The following KCNMA1 variants were observed in gnomAD, a reference collection of about 807,000 sequenced individuals.
KCNMA1 encodes the protein Calcium-activated potassium channel subunit alpha-1.
KCNMA1 carries 29 observed loss-of-function variants against 140.0 expected under a neutral mutation model. That is an observed-to-expected ratio of 0.21 (90% CI 0.15 to 0.28). The LOEUF (loss-of-function observed/expected upper bound fraction) is 0.28. Among genes scored for constraint, KCNMA1 ranks in the 10% least tolerant of loss-of-function variants. KCNMA1 has a pLI of 1.00. For missense variants in KCNMA1, 880 were observed against 1,602.2 expected (o/e 0.55, Z 7.70); for synonymous variants, 612 against 611.9 (o/e 1.00, Z 0.00).
intron 1 of KCNMA1, among the ~76,000 whole-genome samples, chr10:77,422,526 C>T (rs1232649747): frequency 6.6e-6 from 1 of 152,218 alleles, no homozygotes; most frequent in Non-Finnish European, 1.5e-5. Flanking sequence ...CAGCTCTGAC[C>T]CATCTTTCTA....
intron 1 of KCNMA1, among the ~76,000 whole-genome samples, chr10:77,438,192 A>G (rs1376521207): frequency 6.6e-6 from 1 of 152,086 alleles, no homozygotes; most frequent in Non-Finnish European, 1.5e-5. Flanking sequence ...CCAAGTTGCT[A>G]GGACTAGAAG....
intron 2 of KCNMA1, among the ~76,000 whole-genome samples, chr10:77,363,213 T>C (rs771807238): frequency 2.6e-5 from 4 of 152,156 alleles, no homozygotes; most frequent in Non-Finnish European, 5.9e-5. Flanking sequence ...CAATCAATAG[T>C]GGAATGAAAT....
intron 16 of KCNMA1, among the ~76,000 whole-genome samples, chr10:77,025,211 T>C (rs905630235): frequency 1.5e-5 from 2 of 133,526 alleles, no homozygotes; most frequent in African/African-American, 2.8e-5. Context: ...TACTTCCAAT[T>C]TATGTACTCT....
chr10:77,149,453 C>T (rs2098379656), intron 5 of KCNMA1, among the ~76,000 whole-genome samples: 1 of 152,174 alleles, frequency 6.6e-6, no homozygotes, highest in South Asian at 2.1e-4. Context: ...TGACTTGTCT[C>T]CTTCTTTGTG....
intron 1 of KCNMA1, among the ~76,000 whole-genome samples, chr10:77,486,597 A>G (rs190222553): frequency 2.6e-5 from 4 of 152,314 alleles, no homozygotes; most frequent in Non-Finnish European, 5.9e-5. Context: ...AAGAACAGTG[A>G]GCTCTCCATG....
rs143145313 is a variant in KCNMA1 at position 77,259,977 on chromosome 10, G to A, written c.541-8721C>T. On this transcript the variant is annotated intron_variant, in intron 2 of 27. Coordinates refer to ENST00000286628, the MANE Select transcript of KCNMA1 (RefSeq NM_001161352.2). ...ATGTGGAGAAAAGGCTGGAGAATTA[G>A]TTTGAAGACTGAGTGTAGTGGAAGC... Among the ~76,000 whole-genome samples, 35 of 152,328 alleles carry A rather than the reference G, an allele frequency of 2.3e-4. No individual in the cohort carries two copies. The East Asian group carries it at 6.8e-3, about 29-fold the overall frequency.
At chr10:77,177,838 G>A (rs1434336617) in intron 5 of KCNMA1, among the ~76,000 whole-genome samples, 2 of 152,162 alleles carry the variant, frequency 1.3e-5, no homozygotes, top group African/African-American at 4.8e-5. Context: ...ATAGTGGGTA[G>A]TGTTACCTGC....
chr10:77,154,878 G>T (rs962209147), intron 5 of KCNMA1, among the ~76,000 whole-genome samples: 4 of 152,222 alleles, frequency 2.6e-5, no homozygotes, highest in Non-Finnish European at 5.9e-5. Flanking sequence ...TGTATAAATT[G>T]CTATAAAACA....
At chr10:76,918,879 G>T (rs928291577) in intron 23 of KCNMA1, among the ~76,000 whole-genome samples, 4 of 149,134 alleles carry the variant, frequency 2.7e-5, no homozygotes, top group Admixed American at 6.8e-5. Context: ...GAAACTGTGA[G>T]ATATATATAT....
rs202206910 is a variant in KCNMA1, at chr10:76,916,025, C to CAG, written c.2903-977_2903-976insCT. 6.2e-4 allele frequency among the ~76,000 whole-genome samples: 93 copies of CAG among 151,178 alleles called. No individual in the cohort carries two copies. The East Asian group carries it at 0.014, about 23-fold the overall frequency. ...GAGATTTTATACACATAAACACACA[C>CAG]ACACACACACACACACACACATACA... On this transcript the variant is annotated intron_variant, in intron 23 of 27. Coordinates refer to ENST00000286628, the MANE Select transcript of KCNMA1 (RefSeq NM_001161352.2).
intron 3 of KCNMA1, among the ~76,000 whole-genome samples, chr10:77,205,238 A>AT (rs1416923992): frequency 6.6e-6 from 1 of 152,088 alleles, no homozygotes; most frequent in Non-Finnish European, 1.5e-5. Context: ...CAAATGATAT[A>AT]TTTTTTTGTG....
At chr10:77,397,766 C>T (rs287201) in intron 2 of KCNMA1, among the ~76,000 whole-genome samples, 5 of 152,134 alleles carry the variant, frequency 3.3e-5, no homozygotes, top group Non-Finnish European at 5.9e-5. Context: ...TCATCGCCAC[C>T]TCCCACCCTT....
At chr10:77,090,591 C>A in intron 9 of KCNMA1, 81 bp from the exon 10 acceptor site, 6 of 903,882 alleles carry the variant, frequency 6.6e-6, no homozygotes, top group Non-Finnish European at 1.1e-5. Context: ...ACAGCAGAAG[C>A]CAGGCAGCTG....
chr10:76,884,311 TA>T (rs1208430870), downstream of KCNMA1: 14 of 152,246 alleles, frequency 9.2e-5, no homozygotes, highest in African/African-American at 2.4e-4. Context: ...TGATCAAGCA[TA>T]AAGAAGACCA....
chr10:77,149,128 T>G (rs2098371539), intron 5 of KCNMA1, among the ~76,000 whole-genome samples: 1 of 152,206 alleles, frequency 6.6e-6, no homozygotes, highest in African/African-American at 2.4e-5. Context: ...AGCTGGGAAC[T>G]TTGCACTTGC....
At chr10:77,204,759 A>G (rs950960540) in intron 3 of KCNMA1, among the ~76,000 whole-genome samples, 3 of 152,166 alleles carry the variant, frequency 2.0e-5, no homozygotes, top group African/African-American at 4.8e-5. Flanking sequence ...ATAGATAACA[A>G]CTTGAACATT....
chr10:76,896,860 T>TAA (rs141576465), intron 25 of KCNMA1, among the ~76,000 whole-genome samples: 4 of 147,778 alleles, frequency 2.7e-5, no homozygotes, highest in East Asian at 2.0e-4. Context: ...GTGAATATGC[T>TAA]AAAAAAAAAA....
intron 3 of KCNMA1, among the ~76,000 whole-genome samples, chr10:77,221,132 A>C (rs1303148568): frequency 6.6e-6 from 1 of 152,168 alleles, no homozygotes; most frequent in African/African-American, 2.4e-5. Flanking sequence ...CACAAATGCA[A>C]ATTGCTTTTA....
At chr10:77,097,906 G>A (rs552813192) in intron 9 of KCNMA1, among the ~76,000 whole-genome samples, 1 of 152,260 alleles carries the variant, frequency 6.6e-6, no homozygotes, top group Admixed American at 6.6e-5. Flanking sequence ...GCAGAAGTCT[G>A]AGCAAATAGA....
Sources: gnomAD v4.1 joint callset for allele counts (sites outside exome capture counted in the v4.1 genomes callset) on GRCh38, gnomAD v4.1.1 for gene constraint, MANE v1.5 for transcripts, NCBI Gene and HGNC (gene_info 2026-07-23, HGNC 2026-07-21) for gene names.